The following CDKAL1 variants were observed in gnomAD, a reference collection of about 807,000 sequenced individuals.
CDKAL1 encodes the protein CDKAL1 threonylcarbamoyladenosine tRNA methylthiotransferase.
A neutral mutation model predicts 68.2 loss-of-function variants in CDKAL1; 32 were observed. The observed-to-expected ratio is 0.47, with a 90% CI of 0.35 to 0.63. CDKAL1 has a LOEUF of 0.63. CDKAL1 is among the 30% of genes least tolerant of loss of function. CDKAL1 has a pLI of 0.00. For missense variants in CDKAL1, 606 were observed against 696.7 expected (o/e 0.87, Z 1.47); for synonymous variants, 234 against 244.3 (o/e 0.96, Z 0.39).
intron 9 of CDKAL1, among the ~76,000 whole-genome samples, chr6:20,935,720 A>G (rs58825848): frequency 0.016 from 2,461 of 152,266 alleles, 61 homozygotes; most frequent in African/African-American, 0.056. Context: ...ATGAGCCACC[A>G]TGCCCGGCCA....
chr6:20,736,208 A>G (rs1190022825), intron 5 of CDKAL1, among the ~76,000 whole-genome samples: 2 of 152,046 alleles, frequency 1.3e-5, no homozygotes, highest in Non-Finnish European at 2.9e-5. Flanking sequence ...GTTTTTGTAA[A>G]TAAAGTTTTA....
intron 9 of CDKAL1, among the ~76,000 whole-genome samples, chr6:20,927,710 A>G (rs1376967208): frequency 1.3e-5 from 2 of 151,866 alleles, no homozygotes; most frequent in Non-Finnish European, 2.9e-5. Context: ...TATATTTTCT[A>G]TTTGCCTTGG....
intron 9 of CDKAL1, among the ~76,000 whole-genome samples, chr6:20,899,355 G>A (rs765058254): frequency 6.6e-5 from 10 of 151,998 alleles, no homozygotes; most frequent in East Asian, 1.9e-4. Flanking sequence ...GAGCCACTGC[G>A]CCCGGCCCTC....
intron 13 of CDKAL1, among the ~76,000 whole-genome samples, chr6:21,192,004 T>C (rs1164067448): frequency 3.4e-4 from 22 of 64,766 alleles, no homozygotes; most frequent in African/African-American, 1.4e-3. Context: ...TTTTTTTTTT[T>C]TTTTTTTTTT....
Position 20,855,442 on chromosome 6 carries a change from CAAAAAAAAAAAAA to C in CDKAL1, c.742+9282_742+9294del, listed in dbSNP as rs145448785. 7.0e-3 allele frequency among the ~76,000 whole-genome samples: 450 copies of C among 64,656 alleles called. 3 individuals carry two copies. The highest frequency in any genetic ancestry group is 0.029 in the African/African-American group (436 of 14,780). 42.4% of individuals were successfully genotyped at this position (64,656 alleles called of 152,430 possible). ...TGGGAGACAGAGCGAGACTCCGTCTCAAAAAAAAAAAAAAAAAAAAAAAAAAAAAAGAACTTGC... is the reference window on the plus strand; with the variant it reads ...TGGGAGACAGAGCGAGACTCCGTCTCAAAAAAAAAAAAAAAAAGAACTTGC... On this transcript the variant is annotated intron_variant, in intron 9 of 15. Transcript: ENST00000274695.
chr6:20,654,099 T>C (rs1165792137), intron 5 of CDKAL1, among the ~76,000 whole-genome samples: 2 of 151,204 alleles, frequency 1.3e-5, no homozygotes, highest in Non-Finnish European at 1.5e-5. Flanking sequence ...GCCAGGCTGA[T>C]CTCGAACTTC....
chr6:20,732,810 ATG>A (rs2150315700), intron 5 of CDKAL1, among the ~76,000 whole-genome samples: 1 of 152,106 alleles, frequency 6.6e-6, no homozygotes, highest in East Asian at 1.9e-4. Flanking sequence ...CATTTTTCCC[ATG>A]TAGTTTCTTT....
intron 5 of CDKAL1, among the ~76,000 whole-genome samples, chr6:20,715,232 C>T (rs937333255): frequency 1.2e-4 from 18 of 152,166 alleles, no homozygotes; most frequent in Non-Finnish European, 2.2e-4. Context: ...GCCAGAATCA[C>T]TGTTTTATCC....
chr6:21,154,457 T>G (rs903506623), intron 13 of CDKAL1, among the ~76,000 whole-genome samples: 3 of 152,188 alleles, frequency 2.0e-5, no homozygotes, highest in African/African-American at 7.2e-5. Flanking sequence ...TCATCATGTA[T>G]TTTCAAAGAC....
intron 4 of CDKAL1, among the ~76,000 whole-genome samples, chr6:20,594,644 C>G (rs940411597): frequency 1.3e-5 from 2 of 152,128 alleles, no homozygotes; most frequent in African/African-American, 4.8e-5. Flanking sequence ...ATTTGCCAGT[C>G]CGTGTCTTTT....
chr6:20,714,801 C>T (rs1772015450), intron 5 of CDKAL1, among the ~76,000 whole-genome samples: 1 of 152,086 alleles, frequency 6.6e-6, no homozygotes, highest in Non-Finnish European at 1.5e-5. Flanking sequence ...ACTTGGCATA[C>T]ATAAGAGTTT....
intron 4 of CDKAL1, among the ~76,000 whole-genome samples, chr6:20,582,495 A>C (rs987072235): frequency 3.3e-5 from 5 of 152,202 alleles, no homozygotes; most frequent in Admixed American, 1.3e-4. Context: ...AACTCTTCAA[A>C]TGCATCTTTG....
intron 7 of CDKAL1, 64 bp downstream of exon 7, chr6:20,758,707 C>A: frequency 8.4e-7 from 1 of 1,186,674 alleles, no homozygotes; most frequent in Non-Finnish European, 1.2e-6. Flanking sequence ...AGAAACACCA[C>A]TCAGGTAACT....
At chr6:20,644,111 G>A (rs1561991759) in intron 4 of CDKAL1, among the ~76,000 whole-genome samples, 1 of 150,838 alleles carries the variant, frequency 6.6e-6, no homozygotes, top group Non-Finnish European at 1.5e-5. Context: ...GGAATTACAG[G>A]CACAAGCCAC....
At chr6:20,816,541 C>A (rs1176736625) in intron 8 of CDKAL1, among the ~76,000 whole-genome samples, 1 of 152,060 alleles carries the variant, frequency 6.6e-6, no homozygotes, top group Non-Finnish European at 1.5e-5. Context: ...GAGCTTATAT[C>A]CTGGTTAATT....
chr6:21,101,383 T>C (rs1462325633), intron 12 of CDKAL1, among the ~76,000 whole-genome samples: 4 of 152,194 alleles, frequency 2.6e-5, no homozygotes, highest in African/African-American at 9.7e-5. Flanking sequence ...CTTTGGTATA[T>C]TTTAAAGATT....
intron 8 of CDKAL1, among the ~76,000 whole-genome samples, chr6:20,814,655 A>T (rs536771175): frequency 6.6e-6 from 1 of 152,188 alleles, no homozygotes; most frequent in African/African-American, 2.4e-5. Context: ...TTCCTTCACT[A>T]CTAAGTCAGA....
chr6:20,862,158 C>T (rs1239712353), intron 9 of CDKAL1, among the ~76,000 whole-genome samples: 2 of 152,140 alleles, frequency 1.3e-5, no homozygotes, highest in African/African-American at 4.8e-5. Context: ...ATAGTTTTAA[C>T]AATTACTGGC....
chr6:20,943,416 G>A (rs758427767), intron 9 of CDKAL1, among the ~76,000 whole-genome samples: 5 of 150,978 alleles, frequency 3.3e-5, no homozygotes, highest in Admixed American at 1.3e-4. Context: ...TTATTCTGAT[G>A]AAGGTTTATT....
Sources: gnomAD v4.1 joint callset for allele counts (sites outside exome capture counted in the v4.1 genomes callset) on GRCh38, gnomAD v4.1.1 for gene constraint, MANE v1.5 for transcripts, NCBI Gene and HGNC (gene_info 2026-07-23, HGNC 2026-07-21) for gene names.